The following GATAD2B variants were observed in gnomAD, a reference collection of about 807,000 sequenced individuals.
The protein encoded by GATAD2B is GATA zinc finger domain containing 2B, also known as transcriptional repressor p66-beta.
A neutral mutation model predicts 64.3 loss-of-function variants in GATAD2B; 8 were observed. The observed-to-expected ratio is 0.12, with a 90% CI of 0.07 to 0.22. The LOEUF (loss-of-function observed/expected upper bound fraction) is 0.22, where lower values mean the gene tolerates loss of function less well. Ranked by LOEUF, GATAD2B falls within the 10% of genes least tolerant of loss-of-function variation. The pLI is 1.00. For synonymous variants in GATAD2B, 281 were observed against 271.3 expected, an observed-to-expected ratio of 1.04 and a Z score of -0.35; for missense variants, 453 against 752.0, an observed-to-expected ratio of 0.60 and a Z score of 4.65.
intron 2 of GATAD2B, among the ~76,000 whole-genome samples, chr1:153,826,533 A>G (rs1674884033): frequency 6.6e-6 from 1 of 152,032 alleles, no homozygotes; most frequent in Non-Finnish European, 1.5e-5. Context: ...GGGAGTAGAG[A>G]GGCAAGAGAA....
intron 1 of GATAD2B, among the ~76,000 whole-genome samples, chr1:153,841,984 A>C (rs1373691766): frequency 6.6e-6 from 1 of 152,102 alleles, no homozygotes; most frequent in Non-Finnish European, 1.5e-5. Context: ...TATTTAATAG[A>C]TGGGGTCTCA....
chr1:153,831,139 T>C (rs543584626), intron 1 of GATAD2B, among the ~76,000 whole-genome samples: 5 of 152,152 alleles, frequency 3.3e-5, no homozygotes, highest in African/African-American at 1.2e-4. Flanking sequence ...TTTTAAAGAA[T>C]AGCTTTAGCA....
intron 1 of GATAD2B, among the ~76,000 whole-genome samples, chr1:153,915,465 G>A (rs1396028998): frequency 6.6e-6 from 1 of 151,778 alleles, no homozygotes; most frequent in Non-Finnish European, 1.5e-5. Context: ...AAATTATGAG[G>A]GCAAAGAAGA....
Position 153,853,152 on chromosome 1 carries a change from AG to A in GATAD2B, c.-1-24805del, listed in dbSNP as rs1675965142. On this transcript the variant is annotated intron_variant, in intron 1 of 10. Transcript: ENST00000368655. ...AGGCAGTCTCTCCTCAATCCTGTCT[AG>A]CCCCTTACAGACACGGATATTGGCA... is the stretch of plus-strand genomic sequence containing the variant. 7.8e-6 allele frequency: 11 copies of A among 1,413,284 alleles called. No homozygotes were observed. In the East Asian group the frequency reaches 2.5e-4, roughly 32 times the overall value. The allele number at this position is 1,413,284 out of a possible 1,614,324, so 87.5% of individuals were successfully genotyped here.
intron 1 of GATAD2B, among the ~76,000 whole-genome samples, chr1:153,864,320 G>C (rs189525309): frequency 3.3e-5 from 5 of 152,330 alleles, no homozygotes; most frequent in Non-Finnish European, 5.9e-5. Flanking sequence ...GGAATGGTGA[G>C]AGCTAAGAAC....
At chr1:153,826,548 T>C (rs1674884838) in intron 2 of GATAD2B, among the ~76,000 whole-genome samples, 3 of 152,156 alleles carry the variant, frequency 2.0e-5, no homozygotes, top group East Asian at 2.0e-4. Context: ...AGAGAATCAC[T>C]TGAACCCAGG....
In GATAD2B at chr1:153,841,142, GA is replaced by G. The variant is rs1180015821; in HGVS notation, c.-1-12795del. 5.2e-5 allele frequency among the ~76,000 whole-genome samples: 7 copies of G among 134,884 alleles called. No homozygotes were observed. The Admixed American group carries it at 5.2e-4, about 10-fold the overall frequency. The allele number at this position is 134,884 out of a possible 152,430, so 88.5% of individuals were successfully genotyped here. A position where few individuals can be genotyped will look rare whatever the true frequency, so the allele number is the denominator to read the frequency against. On this transcript the variant is annotated intron_variant, in intron 1 of 10. Coordinates refer to ENST00000368655, the MANE Select transcript of GATAD2B (RefSeq NM_020699.4). Reference sequence around the variant, plus strand: ...TCCGTCTCAAAAAAAAAAAAAAAAAGAAAAAAAGAAAAAAAAAGATGGAGAT... The same window carrying G: ...TCCGTCTCAAAAAAAAAAAAAAAAAGAAAAAAGAAAAAAAAAGATGGAGAT...
At chr1:153,917,596 T>C (rs1332047176) in intron 1 of GATAD2B, among the ~76,000 whole-genome samples, 2 of 151,846 alleles carry the variant, frequency 1.3e-5, no homozygotes, top group Non-Finnish European at 2.9e-5. Context: ...GGTTTCACCA[T>C]GTTGGCTAGG....
At chr1:153,818,314 C>CTTTTTTTT in intron 4 of GATAD2B, 143 bp from the exon 5 acceptor site, 1 of 319,934 alleles carries the variant, frequency 3.1e-6, no homozygotes, top group South Asian at 4.1e-5. Context: ...TCAAGGTTTT[C>CTTTTTTTT]TTTTTTTTTT....
intron 1 of GATAD2B, among the ~76,000 whole-genome samples, chr1:153,876,307 G>A (rs1676833633): frequency 7.0e-6 from 1 of 141,898 alleles, no homozygotes; most frequent in Admixed American, 7.3e-5. Flanking sequence ...ACACAGGACT[G>A]TCTTACCTGA....
chr1:153,900,161 T>C (rs1015605768), intron 1 of GATAD2B, among the ~76,000 whole-genome samples: 4 of 152,142 alleles, frequency 2.6e-5, no homozygotes, highest in African/African-American at 9.6e-5. Flanking sequence ...CTCATGCCTG[T>C]AATCCCAGCA....
intron 1 of GATAD2B, among the ~76,000 whole-genome samples, chr1:153,888,721 T>C (rs1677261883): frequency 6.6e-6 from 1 of 152,276 alleles, no homozygotes; most frequent in African/African-American, 2.4e-5. Context: ...AGCACTTGAG[T>C]TCTACTTTTT....
intron 1 of GATAD2B, among the ~76,000 whole-genome samples, chr1:153,888,018 C>T (rs1221672321): frequency 6.6e-6 from 1 of 150,926 alleles, no homozygotes; most frequent in Non-Finnish European, 1.5e-5. Flanking sequence ...ACCTGGGAGG[C>T]GGAGGTTGCA....
intron 1 of GATAD2B, among the ~76,000 whole-genome samples, chr1:153,864,886 T>C (rs1468426049): frequency 2.0e-5 from 3 of 151,656 alleles, no homozygotes; most frequent in Non-Finnish European, 2.9e-5. Context: ...CAGGTCAACA[T>C]AGTGAAACCC....
chr1:153,903,965 C>CA (rs1257170201), intron 1 of GATAD2B, among the ~76,000 whole-genome samples: 1 of 151,994 alleles, frequency 6.6e-6, no homozygotes, highest in Non-Finnish European at 1.5e-5. Flanking sequence ...GCGTTGGCAA[C>CA]AGCATGAGAC....
intron 8 of GATAD2B, 30 bp from the exon 9 acceptor site, chr1:153,812,162 A>G (rs1431713414): frequency 1.8e-6 from 2 of 1,120,524 alleles, no homozygotes; most frequent in Non-Finnish European, 2.7e-6. Context: ...CAGGTGATTG[A>G]GCAGGACAGC....
At chr1:153,882,789 A>C (rs371757280) in intron 1 of GATAD2B, among the ~76,000 whole-genome samples, 9 of 151,372 alleles carry the variant, frequency 5.9e-5, no homozygotes, top group Middle Eastern at 3.4e-3. Flanking sequence ...GACATACCTA[A>C]GCCTGGTCTC....
intron 1 of GATAD2B, among the ~76,000 whole-genome samples, chr1:153,920,968 T>C (rs942078017): frequency 3.9e-5 from 6 of 152,130 alleles, no homozygotes; most frequent in African/African-American, 1.4e-4. Context: ...GGACTAGATA[T>C]CCGTCACAAA....
intron 1 of GATAD2B, among the ~76,000 whole-genome samples, chr1:153,850,823 C>T (rs1056156399): frequency 3.3e-5 from 5 of 151,646 alleles, no homozygotes; most frequent in Non-Finnish European, 5.9e-5. Flanking sequence ...CAGGAGGCTG[C>T]GGCAGGAGAA....
Sources: allele counts gnomAD v4.1 joint callset (sites outside exome capture counted in the v4.1 genomes callset), GRCh38; gene constraint gnomAD v4.1.1; transcripts MANE v1.5; gene names NCBI Gene and HGNC (gene_info 2026-07-23, HGNC 2026-07-21).